Variants in LRCH3 observed in about 807,000 individuals in gnomAD.
The protein encoded by LRCH3 is DISP complex protein LRCH3.
A neutral mutation model predicts 104.5 loss-of-function variants in LRCH3; 68 were observed. The observed-to-expected ratio is 0.65, with a 90% confidence interval of 0.54 to 0.80. The LOEUF is 0.80. Among genes scored for constraint, LRCH3 ranks in the 30% least tolerant of loss-of-function variants. The pLI is 0.00. For missense variants in LRCH3, 951 were observed against 953.9 expected (o/e 1.00, Z 0.04); for synonymous variants, 344 against 361.3 (o/e 0.95, Z 0.54).
At chr3:197,861,486 A>G (rs944001727) in intron 15 of LRCH3, among the ~76,000 whole-genome samples, 2 of 152,198 alleles carry the variant, frequency 1.3e-5, no homozygotes, top group South Asian at 2.1e-4. Flanking sequence ...GTCCAGACAG[A>G]CCACAGTGTC....
chr3:197,833,365 GAAAAAAAAAAAAAA>G (rs71166710), intron 8 of LRCH3, among the ~76,000 whole-genome samples: 21 of 33,336 alleles, frequency 6.3e-4, no homozygotes, highest in African/African-American at 2.7e-3. Context: ...ACTAAAAACC[GAAAAAAAAAAAAAA>G]AAAAAAAAAA....
intron 1 of LRCH3, among the ~76,000 whole-genome samples, chr3:197,808,213 G>A (rs1732714284): frequency 6.6e-6 from 1 of 152,156 alleles, no homozygotes; most frequent in African/African-American, 2.4e-5. Context: ...AAGACAAAGA[G>A]GAAAGATGAT....
rs57432547 is a variant in LRCH3, at chr3:197,878,789, C to T, written c.2208+3014C>T. 9.2e-3 allele frequency among the ~76,000 whole-genome samples: 1,405 copies of T among 152,348 alleles called. 52 individuals carry two copies. The highest frequency in any genetic ancestry group is 0.07 in the East Asian group (362 of 5,192). On this transcript the variant is annotated intron_variant, in intron 20 of 20. Transcript: ENST00000425562. ...GGAAGAGAAGAAACTTCTACCTCCT[C>T]GTCTTCCTTTTTCTCCTGGTCTCCA...
In LRCH3 at chr3:197,852,554, T is replaced by A; in HGVS notation, c.1531-7T>A. The A allele has an allele frequency of 6.2e-7, 1 of 1,614,016 alleles. No homozygotes were observed. Among genetic ancestry groups the A allele is most frequent in the Non-Finnish European group, 8.5e-7 (1 of 1,179,948 alleles). On this transcript the variant is annotated splice_polypyrimidine_tract_variant and splice_region_variant and intron_variant, in intron 12 of 20. Coordinates refer to ENST00000425562, the MANE Select transcript of LRCH3 (RefSeq NM_001365715.1). ...TTCCTTTTTTGGGGGGTTTTGGGAT[T>A]ATACAGCAAAAAGCATCACAAAGTC...
At chr3:197,846,650 A>G (rs984882964) in intron 10 of LRCH3, among the ~76,000 whole-genome samples, 3 of 151,792 alleles carry the variant, frequency 2.0e-5, no homozygotes, top group Non-Finnish European at 4.4e-5. Context: ...TGGTTGCCCT[A>G]ATTAGCACAC....
chr3:197,880,847 A>G, intron 20 of LRCH3: 1 of 1,459,328 alleles, frequency 6.9e-7, no homozygotes, highest in Non-Finnish European at 9.0e-7. Flanking sequence ...TAAAGGAGGT[A>G]AATCCTTTCT....
intron 14 of LRCH3, among the ~76,000 whole-genome samples, chr3:197,857,286 T>C (rs563095153): frequency 6.6e-6 from 1 of 152,052 alleles, no homozygotes; most frequent in Non-Finnish European, 1.5e-5. Flanking sequence ...AAGCTCCTGT[T>C]AATATCAGTT....
intron 20 of LRCH3, among the ~76,000 whole-genome samples, chr3:197,879,482 T>TA (rs1401162170): frequency 2.0e-5 from 3 of 151,024 alleles, no homozygotes; most frequent in East Asian, 1.9e-4. Flanking sequence ...CCGTCTCTAC[T>TA]AAAAATACAA....
intron 13 of LRCH3, among the ~76,000 whole-genome samples, chr3:197,853,085 A>T (rs554583076): frequency 6.6e-6 from 1 of 152,348 alleles, no homozygotes; most frequent in East Asian, 1.9e-4. Context: ...TTAAAAATCT[A>T]CACACCTCTT....
chr3:197,873,447 G>C (rs550436304), intron 19 of LRCH3, among the ~76,000 whole-genome samples: 2 of 152,262 alleles, frequency 1.3e-5, no homozygotes, highest in African/African-American at 4.8e-5. Flanking sequence ...CTCAAGGAGG[G>C]AGTGTCGTGT....
chr3:197,836,865 A>G (rs1736871972), intron 9 of LRCH3, among the ~76,000 whole-genome samples: 1 of 152,012 alleles, frequency 6.6e-6, no homozygotes, highest in Admixed American at 6.6e-5. Context: ...TTTAGTAGAG[A>G]CGGGGTTTCA....
At chr3:197,807,046 AAAAAC>A (rs1352984861) in intron 1 of LRCH3, among the ~76,000 whole-genome samples, 2 of 151,522 alleles carry the variant, frequency 1.3e-5, no homozygotes, top group African/African-American at 2.4e-5. Flanking sequence ...GTCAAAAAAA[AAAAAC>A]AAACAAACAT....
intron 12 of LRCH3, chr3:197,850,742 C>T (rs747243306): frequency 6.0e-6 from 8 of 1,323,248 alleles, no homozygotes; most frequent in South Asian, 1.2e-5. Context: ...GCTTGGCCTG[C>T]GCACACCTGC....
chr3:197,791,432 G>C lies in LRCH3; in HGVS notation c.154G>C (p.Ala52Pro). ...CTCGTGGAGCCGCTCTCTCGATCGA[G>C]CCCTGGAGGAGGCGGCGGTCACTGG... ...PGSWSRSLDR[A>P]LEEAAVTGVL... Residue 52 changes from alanine to proline, a missense_variant, in exon 1 of 21, where the codon GCC becomes CCC. Coordinates refer to ENST00000425562, the MANE Select transcript of LRCH3 (RefSeq NM_001365715.1). 6.3e-7 allele frequency: 1 copy of C among 1,595,626 alleles called. No individual in the cohort carries two copies. Among genetic ancestry groups the C allele is most frequent in the Non-Finnish European group, 8.5e-7 (1 of 1,172,506 alleles).
Position 197,820,740 on chromosome 3 carries a change from C to T in LRCH3, c.640+310C>T, listed in dbSNP as rs114424965. On this transcript the variant is annotated intron_variant, in intron 4 of 20. Transcript: ENST00000425562. ...GGGAGGAGTCCCTGAGCCCAGGAGG[C>T]CAAGGCTGCAGTGAGCTGTGGTGGG... Among the ~76,000 whole-genome samples the T allele has an allele frequency of 8.0e-3, 1,214 of 152,218 alleles. 14 individuals are homozygous for T. Among genetic ancestry groups the T allele is most frequent in the African/African-American group, 0.028 (1,144 of 41,526 alleles).
intron 10 of LRCH3, among the ~76,000 whole-genome samples, chr3:197,840,425 C>T (rs1580751857): frequency 6.6e-6 from 1 of 151,976 alleles, no homozygotes; most frequent in Admixed American, 6.6e-5. Flanking sequence ...CCATTGCCCT[C>T]CAGCCTGGGT....
chr3:197,835,309 G>A (rs564981902), intron 8 of LRCH3, among the ~76,000 whole-genome samples: 37 of 151,492 alleles, frequency 2.4e-4, no homozygotes, highest in Admixed American at 3.9e-4. Context: ...TCAGCCTCCC[G>A]AGTAGCTGGG....
intron 1 of LRCH3, among the ~76,000 whole-genome samples, chr3:197,795,132 A>G (rs916557484): frequency 1.3e-5 from 2 of 152,164 alleles, no homozygotes; most frequent in African/African-American, 4.8e-5. Flanking sequence ...AGCAGAAAGG[A>G]TATAACTTGG....
At chr3:197,834,416 A>G (rs1736403615) in intron 8 of LRCH3, among the ~76,000 whole-genome samples, 1 of 152,244 alleles carries the variant, frequency 6.6e-6, no homozygotes, top group Non-Finnish European at 1.5e-5. Flanking sequence ...TAGTTTTCCA[A>G]ATAGGACAAT....
Sources: allele counts gnomAD v4.1 joint callset (sites outside exome capture counted in the v4.1 genomes callset), GRCh38; gene constraint gnomAD v4.1.1; transcripts MANE v1.5; gene names NCBI Gene and HGNC (gene_info 2026-07-23, HGNC 2026-07-21).